SBF2: variants seen among roughly 807,000 people sequenced by gnomAD.
The protein encoded by SBF2 is myotubularin-related protein 13.
SBF2 carries 112 observed loss-of-function variants against 225.2 expected under a neutral mutation model. That is an observed-to-expected ratio of 0.50 (90% CI 0.43 to 0.58). The LOEUF (loss-of-function observed/expected upper bound fraction) is 0.58, where lower values mean the gene tolerates loss of function less well. Among genes scored for constraint, SBF2 ranks in the 20% least tolerant of loss-of-function variants. The pLI, the probability that SBF2 is intolerant of heterozygous loss-of-function variation, is 0.00. For missense variants in SBF2, 1,996 were observed against 2,206.2 expected (o/e 0.90, Z 1.91); for synonymous variants, 763 against 773.3 (o/e 0.99, Z 0.22).
At position 9,938,148 on chromosome 11, in the gene SBF2, G is replaced by T. The variant is rs181964740; in HGVS notation, c.1860+23809C>A. Among the ~76,000 whole-genome samples, 4 of 151,900 alleles carry T rather than the reference G, an allele frequency of 2.6e-5. No individual in the cohort carries two copies. In the East Asian group the frequency reaches 7.7e-4, roughly 29 times the overall value. On this transcript the variant is annotated intron_variant, in intron 16 of 39. Coordinates refer to ENST00000256190, the MANE Select transcript of SBF2 (RefSeq NM_030962.4). ...CCACTAAAAATACAAAAAATTAGCC[G>T]GGCGTGGTGGCGGGCGCCTCTAGTC...
At position 9,830,007 on chromosome 11, in the gene SBF2, C is replaced by G. The variant is rs147668046; in HGVS notation, c.3653-511G>C. On this transcript the variant is annotated intron_variant, in intron 27 of 39. Transcript: ENST00000256190. ...ACACAGGCCCACCAGGGGACATGAG[C>G]CTATAAAGATTTGTAGAGGGAAGAG... 3.3e-3 allele frequency among the ~76,000 whole-genome samples: 506 copies of G among 152,260 alleles called. 3 individuals are homozygous for G. Among genetic ancestry groups the G allele is most frequent in the South Asian group, 5.2e-3 (25 of 4,818 alleles).
intron 2 of SBF2, among the ~76,000 whole-genome samples, chr11:10,176,487 A>G (rs1308554197): frequency 1.3e-5 from 2 of 151,888 alleles, no homozygotes; most frequent in African/African-American, 4.8e-5. Flanking sequence ...AAATAGATGC[A>G]ATAAAAAATG....
chr11:9,896,085 G>A, intron 16 of SBF2, 74 bp from the exon 17 acceptor site: 1 of 1,138,774 alleles, frequency 8.8e-7, no homozygotes, highest in Non-Finnish European at 1.3e-6. Flanking sequence ...ACTAACATCT[G>A]GGATACACTG....
At chr11:9,847,646 T>C (rs1362060411) in intron 22 of SBF2, among the ~76,000 whole-genome samples, 2 of 152,190 alleles carry the variant, frequency 1.3e-5, no homozygotes, top group Non-Finnish European at 2.9e-5. Context: ...ACTATATATA[T>C]GTGCCTTTGG....
At chr11:9,809,543 C>CTTT (rs1854051568) in intron 30 of SBF2, among the ~76,000 whole-genome samples, 2 of 127,750 alleles carry the variant, frequency 1.6e-5, no homozygotes, top group Non-Finnish European at 1.6e-5. Flanking sequence ...TTGTTTCAGA[C>CTTT]ATTTTTTTTT....
intron 1 of SBF2, among the ~76,000 whole-genome samples, chr11:10,223,423 A>ATATATATAC (rs1441657962): frequency 5.9e-5 from 7 of 118,782 alleles, no homozygotes; most frequent in Non-Finnish European, 1.4e-4. Flanking sequence ...ATATATATAT[A>ATATATATAC]TATATATATA....
At chr11:10,162,997 T>C (rs1955816704) in intron 2 of SBF2, among the ~76,000 whole-genome samples, 1 of 152,064 alleles carries the variant, frequency 6.6e-6, no homozygotes, top group South Asian at 2.1e-4. Context: ...ATATGTTTCA[T>C]GAAAATATCA....
intron 38 of SBF2, 51 bp downstream of exon 38, chr11:9,784,300 A>T (rs1852223036): frequency 7.5e-7 from 1 of 1,333,282 alleles, no homozygotes; most frequent in African/African-American, 1.4e-5. Context: ...ATAGCCAGGG[A>T]CTGGGACTAG....
chr11:9,918,528 A>G (rs1462354480), intron 16 of SBF2, among the ~76,000 whole-genome samples: 1 of 149,248 alleles, frequency 6.7e-6, no homozygotes, highest in Non-Finnish European at 1.5e-5. Flanking sequence ...TAATTTTTGT[A>G]TTTTTGTATT....
intron 8 of SBF2, among the ~76,000 whole-genome samples, chr11:10,000,427 A>G (rs1947908024): frequency 6.6e-6 from 1 of 152,202 alleles, no homozygotes; most frequent in African/African-American, 2.4e-5. Flanking sequence ...GCTTGAATAT[A>G]GAGTATACTT....
intron 21 of SBF2, among the ~76,000 whole-genome samples, chr11:9,850,873 C>T (rs987502615): frequency 9.9e-5 from 15 of 152,226 alleles, no homozygotes; most frequent in South Asian, 6.2e-4. Context: ...CAGTGGCTCA[C>T]GCCTGTAATC....
chr11:9,802,239 G>A (rs1853534855), intron 32 of SBF2, among the ~76,000 whole-genome samples: 1 of 151,968 alleles, frequency 6.6e-6, no homozygotes, highest in Admixed American at 6.6e-5. Flanking sequence ...TTAAGAAAAG[G>A]GAGTCCTGTA....
intron 2 of SBF2, among the ~76,000 whole-genome samples, chr11:10,081,717 G>A (rs1197658368): frequency 5.5e-5 from 8 of 145,506 alleles, no homozygotes; most frequent in East Asian, 2.0e-4. Flanking sequence ...CTGAGATTGC[G>A]CCACTGCACT....
chr11:9,965,206 T>C (rs1271945655), intron 14 of SBF2, among the ~76,000 whole-genome samples: 2 of 152,078 alleles, frequency 1.3e-5, no homozygotes, highest in African/African-American at 4.8e-5. Flanking sequence ...CCTTCTCCCA[T>C]ACCTAAGAAG....
At chr11:10,091,291 T>C (rs1951773194) in intron 2 of SBF2, among the ~76,000 whole-genome samples, 1 of 152,146 alleles carries the variant, frequency 6.6e-6, no homozygotes, top group South Asian at 2.1e-4. Context: ...GATACAAACT[T>C]TCCTATAAAC....
intron 2 of SBF2, among the ~76,000 whole-genome samples, chr11:10,111,670 G>T (rs1384259781): frequency 6.6e-6 from 1 of 152,218 alleles, no homozygotes. Flanking sequence ...GAGATCAGGA[G>T]TTCAAGACCA....
chr11:10,169,664 A>G (rs1029547538), intron 2 of SBF2, among the ~76,000 whole-genome samples: 15 of 152,184 alleles, frequency 9.9e-5, no homozygotes, highest in Non-Finnish European at 1.5e-5. Context: ...TCTCTTCGAT[A>G]AACTGATTTC....
intron 2 of SBF2, among the ~76,000 whole-genome samples, chr11:10,073,302 T>G (rs990704689): frequency 2.0e-5 from 3 of 152,208 alleles, no homozygotes; most frequent in African/African-American, 7.2e-5. Flanking sequence ...TTATTAAAAT[T>G]ATTTTCATTT....
chr11:10,218,320 A>ACCC (rs57770393), intron 1 of SBF2, among the ~76,000 whole-genome samples: 85 of 76,544 alleles, frequency 1.1e-3, no homozygotes, highest in African/African-American at 1.4e-3. Context: ...GGAAAGACCC[A>ACCC]CCCCCCCCCC....
Sources: allele counts gnomAD v4.1 joint callset (sites outside exome capture counted in the v4.1 genomes callset), GRCh38; gene constraint gnomAD v4.1.1; transcripts MANE v1.5; gene names NCBI Gene and HGNC (gene_info 2026-07-23, HGNC 2026-07-21).